Variants in GRB2 observed in about 807,000 individuals in gnomAD.
The protein encoded by GRB2 is growth factor receptor-bound protein 2.
GRB2 carries 2 observed loss-of-function variants against 27.4 expected under a neutral mutation model. The ratio of observed to expected loss-of-function variants is 0.07; its 90% CI spans 0.03 to 0.23. GRB2 has a LOEUF of 0.23. GRB2 is among the 10% of genes least tolerant of loss of function. GRB2 has a pLI of 1.00. For synonymous variants in GRB2, 94 were observed against 99.6 expected, an observed-to-expected ratio of 0.94 and a Z score of 0.33; for missense variants, 102 against 282.4, an observed-to-expected ratio of 0.36 and a Z score of 4.58.
chr17:75,369,865 A>AAC (rs1467495093), intron 2 of GRB2, among the ~76,000 whole-genome samples: 2 of 151,628 alleles, frequency 1.3e-5, no homozygotes, highest in Admixed American at 1.3e-4. Flanking sequence ...CAAAAAAAAA[A>AAC]AACTGTTTTT....
chr17:75,339,735 T>C (rs1056495428), intron 2 of GRB2, among the ~76,000 whole-genome samples: 2 of 151,876 alleles, frequency 1.3e-5, no homozygotes, highest in Non-Finnish European at 2.9e-5. Flanking sequence ...CAAGTGATTC[T>C]CATGCCTCAG....
At chr17:75,366,470 C>G (rs1031010499) in intron 2 of GRB2, among the ~76,000 whole-genome samples, 2 of 134,824 alleles carry the variant, frequency 1.5e-5, no homozygotes, top group Admixed American at 1.6e-4. Context: ...TCATTTGAAC[C>G]CTTGAACACA....
At chr17:75,363,347 T>G (rs1443320802) in intron 2 of GRB2, among the ~76,000 whole-genome samples, 1 of 152,108 alleles carries the variant, frequency 6.6e-6, no homozygotes, top group Non-Finnish European at 1.5e-5. Flanking sequence ...TTCCACACAG[T>G]CTCATTTCAT....
At chr17:75,394,798 C>G (rs1369313397) in intron 1 of GRB2, 1 of 152,172 alleles carries the variant, frequency 6.6e-6, no homozygotes, top group Non-Finnish European at 1.5e-5. Flanking sequence ...AAAACTGATG[C>G]AAACTGCATT....
At chr17:75,349,544 T>C (rs1223456102) in intron 2 of GRB2, among the ~76,000 whole-genome samples, 1 of 141,666 alleles carries the variant, frequency 7.1e-6, no homozygotes, top group Non-Finnish European at 1.5e-5. Flanking sequence ...AGAGTCTTAC[T>C]CTGTTGCCCA....
intron 1 of GRB2, among the ~76,000 whole-genome samples, chr17:75,398,853 T>A (rs541605354): frequency 6.5e-4 from 99 of 152,208 alleles, no homozygotes; most frequent in African/African-American, 2.3e-3. Flanking sequence ...GTTCAAGCGA[T>A]TCTCCTGCCT....
At chr17:75,389,197 A>T (rs1226350970) in intron 2 of GRB2, among the ~76,000 whole-genome samples, 1 of 152,084 alleles carries the variant, frequency 6.6e-6, no homozygotes, top group Non-Finnish European at 1.5e-5. Context: ...CTTATTTTCC[A>T]CTATGTCAGT....
intron 2 of GRB2, among the ~76,000 whole-genome samples, chr17:75,385,385 A>C (rs184787076): frequency 2.3e-4 from 35 of 152,170 alleles, no homozygotes; most frequent in Admixed American, 9.2e-4. Context: ...AAAAATACAA[A>C]AATTAGCTGG....
chr17:75,388,964 T>C (rs2078981979), intron 2 of GRB2, among the ~76,000 whole-genome samples: 1 of 152,162 alleles, frequency 6.6e-6, no homozygotes, highest in African/African-American at 2.4e-5. Context: ...TCAGTATCTT[T>C]CAAACCACTC....
intron 2 of GRB2, among the ~76,000 whole-genome samples, chr17:75,365,644 C>T (rs1177992144): frequency 4.1e-5 from 6 of 148,012 alleles, no homozygotes; most frequent in Admixed American, 4.0e-4. Context: ...AATTAAAGTA[C>T]AACAAAGAAA....
At chr17:75,352,659 C>T (rs1178768293) in intron 2 of GRB2, among the ~76,000 whole-genome samples, 2 of 152,172 alleles carry the variant, frequency 1.3e-5, no homozygotes, top group African/African-American at 2.4e-5. Context: ...TAAGATATCC[C>T]TACTGTTTGC....
At chr17:75,386,987 A>AACACAGTGAAACTCCGTCTCT (rs200620473) in intron 2 of GRB2, among the ~76,000 whole-genome samples, 1 of 151,478 alleles carries the variant, frequency 6.6e-6, no homozygotes, top group Admixed American at 6.6e-5. Context: ...CATCCTGGCT[A>AACACAGTGAAACTCCGTCTCT]ACTAAAAACA....
intron 2 of GRB2, among the ~76,000 whole-genome samples, chr17:75,390,356 G>A (rs1277048137): frequency 6.6e-6 from 1 of 152,158 alleles, no homozygotes; most frequent in Non-Finnish European, 1.5e-5. Flanking sequence ...CAACTCCTAG[G>A]TAAGTTTTAT....
chr17:75,339,228 C>G (rs1282101879), intron 2 of GRB2: 10 of 704,252 alleles, frequency 1.4e-5, no homozygotes, highest in Non-Finnish European at 2.1e-5. Context: ...GAGTCTTGCT[C>G]TGTTGCCCAG....
At chr17:75,329,285 G>A (rs1003281677) in intron 3 of GRB2, among the ~76,000 whole-genome samples, 2 of 151,948 alleles carry the variant, frequency 1.3e-5, no homozygotes, top group African/African-American at 4.8e-5. Context: ...ATAAAATAAT[G>A]AATATAAACT....
At chr17:75,375,235 T>C (rs939574742) in intron 2 of GRB2, among the ~76,000 whole-genome samples, 2 of 152,190 alleles carry the variant, frequency 1.3e-5, no homozygotes, top group African/African-American at 4.8e-5. Context: ...ATACTTCTTA[T>C]GCCAATCATC....
chr17:75,364,004 T>C (rs1398779450), intron 2 of GRB2, among the ~76,000 whole-genome samples: 1 of 152,172 alleles, frequency 6.6e-6, no homozygotes, highest in African/African-American at 2.4e-5. Context: ...TGTATTCTAT[T>C]TGGATATGCC....
At chr17:75,327,795 CTT>C (rs1567856819) in intron 3 of GRB2, among the ~76,000 whole-genome samples, 1 of 152,052 alleles carries the variant, frequency 6.6e-6, no homozygotes, top group African/African-American at 2.4e-5. Context: ...CCCTTAGTAA[CTT>C]TGTCCTTGTG....
chr17:75,381,011 TG>T (rs2145862736), intron 2 of GRB2, among the ~76,000 whole-genome samples: 1 of 152,366 alleles, frequency 6.6e-6, no homozygotes, highest in South Asian at 2.1e-4. Flanking sequence ...GGTAACCATT[TG>T]TTCAGCCATT....
Sources: allele counts gnomAD v4.1 joint callset (sites outside exome capture counted in the v4.1 genomes callset), GRCh38; gene constraint gnomAD v4.1.1; transcripts MANE v1.5; gene names NCBI Gene and HGNC (gene_info 2026-07-23, HGNC 2026-07-21).